The following ACACB variants were observed in gnomAD, a reference collection of about 807,000 sequenced individuals.
ACACB encodes acetyl-CoA carboxylase beta.
In ACACB, 209 loss-of-function variants were observed where a neutral mutation model predicts 278.8. That is an observed-to-expected ratio of 0.75 (90% confidence interval 0.67 to 0.84). ACACB has a LOEUF of 0.84. ACACB is among the 40% of genes least tolerant of loss of function. ACACB has a pLI of 0.00. For synonymous variants in ACACB, 1,174 were observed against 1,285.6 expected, an observed-to-expected ratio of 0.91 and a Z score of 1.86; for missense variants, 2,850 against 3,269.0, an observed-to-expected ratio of 0.87 and a Z score of 3.13.
At chr12:109,249,880 C>T in intron 40 of ACACB, 104 bp from the exon 41 acceptor site, 1 of 1,431,614 alleles carries the variant, frequency 7.0e-7, no homozygotes, top group South Asian at 1.5e-5. Flanking sequence ...TGTCTGCTTC[C>T]AATCTCTCAC....
chr12:109,261,642 G>C (rs35572712), intron 48 of ACACB, among the ~76,000 whole-genome samples: 39,274 of 151,836 alleles, frequency 0.26, 5,708 homozygotes, highest in Admixed American at 0.37. Flanking sequence ...AGGCTAAGGG[G>C]GGCAGATCAC....
At chr12:109,245,392 C>T (rs186396965) in intron 37 of ACACB, among the ~76,000 whole-genome samples, 18 of 152,198 alleles carry the variant, frequency 1.2e-4, no homozygotes, top group Admixed American at 7.9e-4. Flanking sequence ...GGGCTTCAAT[C>T]GCATCTTTCT....
At chr12:109,205,532 C>T (rs1395941997) in intron 19 of ACACB, among the ~76,000 whole-genome samples, 2 of 152,050 alleles carry the variant, frequency 1.3e-5, no homozygotes, top group African/African-American at 4.8e-5. Context: ...TCACTGCAAC[C>T]TCTGCCTCCC....
At chr12:109,212,746 TG>T in intron 21 of ACACB, 89 bp from the exon 22 acceptor site, 1 of 1,058,986 alleles carries the variant, frequency 9.4e-7, no homozygotes, top group Non-Finnish European at 1.4e-6. Flanking sequence ...AGTGCTCGTT[TG>T]GGTACTGGTT....
chr12:109,256,512 T>C (rs2047228117), intron 45 of ACACB, among the ~76,000 whole-genome samples: 1 of 152,100 alleles, frequency 6.6e-6, no homozygotes, highest in African/African-American at 2.4e-5. Flanking sequence ...CCTTGGGTGC[T>C]CTCCCCAGAA....
chr12:109,185,810 G>A, intron 12 of ACACB, 70 bp downstream of exon 12: 1 of 1,479,444 alleles, frequency 6.8e-7, no homozygotes, highest in Non-Finnish European at 9.0e-7. Flanking sequence ...CTGGATGTTA[G>A]CCTGGGAAGA....
chr12:109,157,938 AG>A (rs1467908192), intron 2 of ACACB, among the ~76,000 whole-genome samples: 2 of 152,220 alleles, frequency 1.3e-5, no homozygotes, highest in African/African-American at 4.8e-5. Context: ...CTGCTCTGAA[AG>A]GCCAGCTGCC....
chr12:109,233,753 T>C lies in ACACB; in HGVS notation c.4145T>C (p.Phe1382Ser). The change falls in exon 30 of 53, where the codon TTT becomes TCT. Residue 1382 changes from phenylalanine to serine, a missense_variant. Around this residue, in one of 3 missense-constraint regions of ACACB, gnomAD observed 2,265 missense variants for 2,561.3 expected, o/e 0.88. Coordinates refer to ENST00000338432, the MANE Select transcript of ACACB (RefSeq NM_001093.4). ...FRRFEDFTRN[F>S]DEVISCFANV... ...CTCTCTACCCGCACCCCCAGAAATT[T>C]TGATGAAGTCATCTCTTGCTTCGCC... 6.2e-7 allele frequency: 1 copy of C among 1,614,060 alleles called. No individual in the cohort carries two copies. Among genetic ancestry groups the C allele is most frequent in the Non-Finnish European group, 8.5e-7 (1 of 1,179,998 alleles).
intron 2 of ACACB, among the ~76,000 whole-genome samples, 198 bp downstream of exon 2, chr12:109,140,256 A>ATCCATCCT (rs2043077268): frequency 1.2e-5 from 1 of 83,210 alleles, no homozygotes; most frequent in African/African-American, 4.5e-5. Context: ...CCTTCCTTCC[A>ATCCATCCT]TCCTTCCTTC....
chr12:109,168,106 T>C (rs2043982744), intron 4 of ACACB, 72 bp downstream of exon 4: 3 of 1,516,360 alleles, frequency 2.0e-6, no homozygotes, highest in Middle Eastern at 1.8e-4. Flanking sequence ...CCCCTGTGCC[T>C]AGGCAAGTCC....
chr12:109,201,561 A>G lies in ACACB; in HGVS notation c.2779-6A>G. The G allele has an allele frequency of 6.2e-7, 1 of 1,613,846 alleles. No homozygotes were observed. Among genetic ancestry groups the G allele is most frequent in the African/African-American group, 1.3e-5 (1 of 74,968 alleles). On this transcript the variant is annotated splice_region_variant and splice_polypyrimidine_tract_variant and intron_variant, in intron 18 of 52. Transcript: ENST00000338432. ...CTCTGTACTATTTCTTCTTTTTACGAAATAGGTGATGAAGATGATCATGAC... is the reference window on the plus strand; with the variant it reads ...CTCTGTACTATTTCTTCTTTTTACGGAATAGGTGATGAAGATGATCATGAC...
At position 109,178,836 on chromosome 12, in the gene ACACB, G is replaced by A. The variant is rs186683316; in HGVS notation, c.1438-252G>A. Among the ~76,000 whole-genome samples, 66 of 152,248 alleles carry A rather than the reference G, an allele frequency of 4.3e-4. 2 individuals carry two copies. Among genetic ancestry groups the A allele is most frequent in the Admixed American group, 2.8e-3 (43 of 15,306 alleles). On this transcript the variant is annotated intron_variant, in intron 9 of 52. Transcript: ENST00000338432. ...GGTTGTTTGTGATTAGCCATCTCTC[G>A]AGCAGTTGTTCATTGTTCTTCCCCA...
At chr12:109,210,533 A>G (rs1057175193) in intron 21 of ACACB, among the ~76,000 whole-genome samples, 4 of 148,926 alleles carry the variant, frequency 2.7e-5, no homozygotes, top group Middle Eastern at 3.5e-3. Context: ...GTATATGTGT[A>G]TATATACGTG....
At chr12:109,235,583 T>G in intron 32 of ACACB, 23 bp from the exon 33 acceptor site, 1 of 1,608,504 alleles carries the variant, frequency 6.2e-7, no homozygotes. Context: ...TTAATTGTCT[T>G]GTGTGTGGAT....
intron 28 of ACACB, among the ~76,000 whole-genome samples, 192 bp downstream of exon 28, chr12:109,227,681 C>T (rs2046352325): frequency 6.6e-6 from 1 of 152,220 alleles, no homozygotes; most frequent in Non-Finnish European, 1.5e-5. Flanking sequence ...ATGCAGAGCC[C>T]ACCTCCTACA....
intron 2 of ACACB, among the ~76,000 whole-genome samples, chr12:109,146,845 T>G (rs991966105): frequency 1.3e-5 from 2 of 151,992 alleles, no homozygotes; most frequent in Non-Finnish European, 2.9e-5. Flanking sequence ...TGGCTAATTT[T>G]TTTATTTTTG....
intron 20 of ACACB, 25 bp from the exon 21 acceptor site, chr12:109,209,140 G>A (rs1454774182): frequency 2.6e-6 from 4 of 1,568,462 alleles, no homozygotes; most frequent in South Asian, 1.2e-5. Flanking sequence ...AGGGCTGGGG[G>A]CTGATGCTGT....
chr12:109,190,537 G>A (rs1469609074), intron 13 of ACACB, among the ~76,000 whole-genome samples: 1 of 152,246 alleles, frequency 6.6e-6, no homozygotes, highest in African/African-American at 2.4e-5. Context: ...GAGCAGCTGT[G>A]TGGAAGGTGA....
rs1173171335 is a variant in ACACB, at chr12:109,184,072, A to G, written c.1819-1507A>G. Among the ~76,000 whole-genome samples the G allele has an allele frequency of 6.0e-5, 9 of 150,090 alleles. No individual in the cohort carries two copies. The South Asian group carries it at 6.3e-4, about 11-fold the overall frequency. On this transcript the variant is annotated intron_variant, in intron 11 of 52. Coordinates refer to ENST00000338432, the MANE Select transcript of ACACB (RefSeq NM_001093.4). ...GCTCAATCTTTTTTTTTTTTCTTTG[A>G]GATGGAGTCTCGCCCTTTCACCCAG...
Sources: allele counts gnomAD v4.1 joint callset (sites outside exome capture counted in the v4.1 genomes callset), GRCh38; gene constraint gnomAD v4.1.1; regional missense constraint gnomAD v4.1.1; transcripts MANE v1.5; gene names NCBI Gene and HGNC (gene_info 2026-07-23, HGNC 2026-07-21).